Variants in HTR3E observed in about 807,000 individuals in gnomAD.
HTR3E encodes the protein 5-hydroxytryptamine (serotonin) receptor 3, family member E.
Under a neutral mutation model 38.0 loss-of-function variants are expected in HTR3E, and 38 were observed. The observed-to-expected ratio is 1.00, with a 90% confidence interval of 0.77 to 1.31. The LOEUF is 1.31. Ranked by LOEUF, HTR3E falls within the 50% of genes most tolerant of loss-of-function variation. The probability of loss-of-function intolerance (pLI) is 0.00; values close to 1 mark genes in which losing one functional copy is unlikely to be tolerated. For synonymous variants in HTR3E, 210 were observed against 232.9 expected (o/e 0.90, Z 0.89); for missense variants, 547 against 585.2 (o/e 0.93, Z 0.67).
In HTR3E at chr3:184,105,877, G is replaced by C. The variant is rs1444444517; in HGVS notation, c.833G>C (p.Arg278Pro). 6.2e-7 allele frequency: 1 copy of C among 1,613,962 alleles called. No homozygotes were observed. Among genetic ancestry groups the C allele is most frequent in the East Asian group, 2.2e-5 (1 of 44,882 alleles). Residue 278 changes from arginine (R) to proline (P), a missense_variant, in exon 7 of 9, where the codon CGT (arginine) becomes CCT (proline). Physicochemically the swap from Arg to Pro is moderately radical, Grantham distance 103. Transcript: ENST00000415389. The part of the protein sequence containing the change: ...SFYLPVKSGN[R>P]VPFKITLLLG... ...TACCTGCCAGTGAAAAGTGGGAATC[G>C]TGTCCCATTCAAGATAACGCTCCTG...
chr3:184,104,448 G>A, intron 4 of HTR3E, 157 bp downstream of exon 4: 2 of 1,215,168 alleles, frequency 1.6e-6, no homozygotes, highest in Non-Finnish European at 2.2e-6. Flanking sequence ...GCTAATGCCT[G>A]TAATCCCAGC....
chr3:184,101,665 A>G, intron 3 of HTR3E, 136 bp downstream of exon 3: 1 of 769,198 alleles, frequency 1.3e-6, no homozygotes. Context: ...ATCGACCATA[A>G]TGGTGAGGGG....
chr3:184,104,664 C>T, intron 4 of HTR3E, 123 bp from the exon 5 acceptor site: 1 of 831,952 alleles, frequency 1.2e-6, no homozygotes, highest in Non-Finnish European at 1.8e-6. Context: ...TTGCAGTGAG[C>T]TGAGAGCATG....
chr3:184,101,352 GGATAGA>G, intron 2 of HTR3E, 127 bp from the exon 3 acceptor site: 1 of 803,966 alleles, frequency 1.2e-6, no homozygotes, highest in Admixed American at 1.8e-5. Context: ...ACATGGGTTT[GGATAGA>G]GCTTTTGTTC....
intron 2 of HTR3E, among the ~76,000 whole-genome samples, chr3:184,101,186 T>C (rs1712018776): frequency 6.6e-6 from 1 of 152,182 alleles, no homozygotes; most frequent in Admixed American, 6.5e-5. Context: ...TCAAGTGATC[T>C]GCCTGTCTCG....
intron 1 of HTR3E, among the ~76,000 whole-genome samples, chr3:184,099,766 T>C (rs75200713): frequency 0.072 from 10,529 of 146,730 alleles, 541 homozygotes; most frequent in African/African-American, 0.12. Flanking sequence ...AATTATTATA[T>C]GTCCATTAAA....
Position 184,100,601 on chromosome 3 carries a change from G to A in HTR3E, c.184G>A (p.Val62Ile), listed in dbSNP as rs751123479. ...CTTCCGTCCGGTCACCAACATCAGC[G>A]TCCCCACCCAAGTCAACATCTCCTT... ...KPFRPVTNIS[V>I]PTQVNISFAM... The change falls in exon 2 of 9, where the codon GTC becomes ATC. Residue 62 changes from valine to isoleucine, a missense_variant. Physicochemically the swap from Val to Ile is conservative, Grantham distance 29. Coordinates refer to ENST00000415389, the MANE Select transcript of HTR3E (RefSeq NM_001256613.2). The A allele has an allele frequency of 1.2e-6, 2 of 1,614,000 alleles. No homozygotes were observed. Among genetic ancestry groups the A allele is most frequent in the Non-Finnish European group, 1.7e-6 (2 of 1,179,964 alleles).
Position 184,100,596 on chromosome 3 carries a change from T to C in HTR3E, c.179T>C (p.Ile60Thr), listed in dbSNP as rs748696170. 1.2e-5 allele frequency: 20 copies of C among 1,613,940 alleles called. 1 individual carries two copies. In the South Asian group the frequency reaches 2.2e-4, roughly 18 times the overall value. ...AAGCCCTTCCGTCCGGTCACCAACA[T>C]CAGCGTCCCCACCCAAGTCAACATC... ...NRKPFRPVTN[I>T]SVPTQVNISF... is the part of the protein sequence containing the mutation. Residue 60 changes from isoleucine (I) to threonine (T), a missense_variant, in exon 2 of 9, where the codon ATC becomes ACC. Coordinates refer to ENST00000415389, the MANE Select transcript of HTR3E (RefSeq NM_001256613.2).
chr3:184,097,596 G>T lies in HTR3E; in HGVS notation c.67G>T (p.Gly23Ter), dbSNP rs1323765529. Reference sequence around the variant, plus strand: ...CCTCCTTCTCGGTTTTCTGCTTCAAGGTAAGAAAGGAGCAATGATGGGGGA... The same window carrying T: ...CCTCCTTCTCGGTTTTCTGCTTCAATGTAAGAAAGGAGCAATGATGGGGGA... ...FYLLLGFLLQ[G>*]RGVTFTINCS... The change falls in exon 1 of 9, where the codon GGA becomes TGA. Residue 23 changes from glycine to a stop codon, truncating the protein, a stop_gained and splice_region_variant. Transcript: ENST00000415389. LOFTEE classifies it high-confidence loss of function. The T allele has an allele frequency of 2.0e-6, 3 of 1,534,694 alleles. No individual in the cohort carries two copies. Among genetic ancestry groups the T allele is most frequent in the Admixed American group, 3.9e-5 (2 of 50,980 alleles).
intron 1 of HTR3E, among the ~76,000 whole-genome samples, chr3:184,099,495 A>ACC (rs1711854089): frequency 6.6e-6 from 1 of 151,912 alleles, no homozygotes; most frequent in African/African-American, 2.4e-5. Context: ...CGGGTGGATC[A>ACC]TGAAGTCAGG....
chr3:184,103,424 T>C (rs1189392761), intron 3 of HTR3E, among the ~76,000 whole-genome samples: 1 of 151,818 alleles, frequency 6.6e-6, no homozygotes, highest in Admixed American at 6.6e-5. Context: ...GGTCAGGAGA[T>C]CAAGACCATC....
rs377636693 is a variant in HTR3E, at chr3:184,106,297, C to T, written c.1095C>T (p.Pro365=). The T allele has an allele frequency of 2.5e-6, 4 of 1,613,470 alleles. No individual in the cohort carries two copies. Among genetic ancestry groups the T allele is most frequent in the Non-Finnish European group, 2.5e-6 (3 of 1,179,988 alleles). The change falls in exon 8 of 9, where the codon CCC becomes CCT. Residue 365 remains proline (P), a synonymous_variant. Transcript: ENST00000415389. This position sits in a 1 kb window ranked among gnomAD's most constrained non-coding sequence, Gnocchi z 4.1. ...CGGGGAGATGCTGTCCCACTGCGCC[C>T]CAGAAGGAAAATAAGGGCCCGGGTC... ...NSPGRCCPTA[P]QKENKGPGLT...
At position 184,106,127 on chromosome 3, in the gene HTR3E, G is replaced by A. The variant is rs775721417; in HGVS notation, c.926-1G>A. Reference sequence around the variant, plus strand: ...CCTCACTAGGCCCCCCTTCCCTCCAGGTGTCTACTTCGCCCTGTGCCTGTC... The same window carrying A: ...CCTCACTAGGCCCCCCTTCCCTCCAAGTGTCTACTTCGCCCTGTGCCTGTC... On this transcript the variant is annotated splice_acceptor_variant, in intron 7 of 8. Coordinates refer to ENST00000415389, the MANE Select transcript of HTR3E (RefSeq NM_001256613.2). LOFTEE classifies it high-confidence loss of function. This position sits in a 1 kb window ranked among gnomAD's most constrained non-coding sequence, Gnocchi z 4.1. 1 of 1,613,492 alleles carries A rather than the reference G, an allele frequency of 6.2e-7. No individual in the cohort carries two copies.
At chr3:184,103,655 C>G (rs1712208771) in intron 3 of HTR3E, among the ~76,000 whole-genome samples, 1 of 140,782 alleles carries the variant, frequency 7.1e-6, no homozygotes, top group Admixed American at 7.3e-5. Context: ...AAAAATTAGC[C>G]AGATGGTGGC....
intron 4 of HTR3E, 48 bp from the exon 5 acceptor site, chr3:184,104,738 AG>A: frequency 1.9e-5 from 25 of 1,306,302 alleles, no homozygotes; most frequent in East Asian, 2.4e-5. Flanking sequence ...AAAAAAAAAA[AG>A]AGAGAGAGAA....
chr3:184,106,753 GT>G lies in HTR3E; in HGVS notation c.*61del. On this transcript the variant is annotated 3_prime_UTR_variant, in exon 9 of 9. Transcript: ENST00000415389. The surrounding 1 kb of genome is among the most constrained non-coding windows in gnomAD (Gnocchi z 4.1). ...TCTCTTGCCTCCAGGGACTGGCCAG[GT>G]CTCCCCCCTTTCCTGAGTACCAACT... is the stretch of plus-strand genomic sequence containing the variant. 1 of 1,553,734 alleles carries G rather than the reference GT, an allele frequency of 6.4e-7. No homozygotes were observed.
At chr3:184,100,174 G>A in intron 1 of HTR3E, 1 of 1,423,344 alleles carries the variant, frequency 7.0e-7, no homozygotes, top group Non-Finnish European at 9.1e-7. Context: ...ACAAACCTGG[G>A]TTCAGAACAA....
chr3:184,106,521 T>C lies in HTR3E; in HGVS notation c.1199T>C (p.Leu400Pro). 1.9e-6 allele frequency: 3 copies of C among 1,613,224 alleles called. No individual in the cohort carries two copies. In the South Asian group the frequency reaches 3.3e-5, roughly 18 times the overall value. The change falls in exon 9 of 9, where the codon CTG becomes CCG. Residue 400 changes from leucine to proline, a missense_variant. Leu to Pro is a moderately conservative substitution (Grantham distance 98). Transcript: ENST00000415389. This position sits in a 1 kb window ranked among gnomAD's most constrained non-coding sequence, Gnocchi z 4.1. ...ATGCCGGGCCCTGCGGAGGCAGAGC[T>C]GACAGGGGGCTCAGAATGGACAAGG... is the stretch of plus-strand genomic sequence containing the variant. ...GQMPGPAEAE[L>P]TGGSEWTRAQ...
chr3:184,106,710 C>T lies in HTR3E; in HGVS notation c.*17C>T. ...AACACCTAGGCAGGTGCTCACCTGC[C>T]AACTTCAGTCTGGAGCTTCTCTTGC... On this transcript the variant is annotated 3_prime_UTR_variant, in exon 9 of 9. Coordinates refer to ENST00000415389, the MANE Select transcript of HTR3E (RefSeq NM_001256613.2). The surrounding 1 kb of genome is among the most constrained non-coding windows in gnomAD (Gnocchi z 4.1). 1 of 1,612,708 alleles carries T rather than the reference C, an allele frequency of 6.2e-7. No homozygotes were observed. Among genetic ancestry groups the T allele is most frequent in the South Asian group, 1.1e-5 (1 of 90,850 alleles).
Sources: gnomAD v4.1 joint callset for allele counts (sites outside exome capture counted in the v4.1 genomes callset) on GRCh38, gnomAD v4.1.1 for gene constraint, Gnocchi (gnomAD v3.1) non-coding constraint, MANE v1.5 for transcripts, NCBI Gene and HGNC (gene_info 2026-07-23, HGNC 2026-07-21) for gene names.